Variants in MTUS2 observed in about 807,000 individuals in gnomAD.
MTUS2 encodes the protein microtubule associated scaffold protein 2.
Under a neutral mutation model 114.1 loss-of-function variants are expected in MTUS2, and 40 were observed. That is an observed-to-expected ratio of 0.35 (90% CI 0.27 to 0.46). The LOEUF (loss-of-function observed/expected upper bound fraction) is 0.46, where lower values mean the gene tolerates loss of function less well. MTUS2 is among the 20% of genes least tolerant of loss of function. The pLI is 1.00. For missense variants in MTUS2, 1,679 were observed against 1,705.4 expected (o/e 0.98, Z 0.27); for synonymous variants, 688 against 672.0 (o/e 1.02, Z -0.37).
At chr13:29,216,752 T>C (rs1895698698) in intron 5 of MTUS2, among the ~76,000 whole-genome samples, 1 of 152,220 alleles carries the variant, frequency 6.6e-6, no homozygotes, top group South Asian at 2.1e-4. Context: ...CAGAAATCAC[T>C]GGCCTTCTAA....
At chr13:29,436,617 C>A (rs1234103969) in intron 8 of MTUS2, among the ~76,000 whole-genome samples, 1 of 152,152 alleles carries the variant, frequency 6.6e-6, no homozygotes, top group East Asian at 1.9e-4. Flanking sequence ...CATCTAATGA[C>A]TATAGTTTGG....
intron 9 of MTUS2, among the ~76,000 whole-genome samples, chr13:29,472,633 T>C (rs907763790): frequency 6.6e-6 from 1 of 152,216 alleles, no homozygotes; most frequent in African/African-American, 2.4e-5. Context: ...ATGCTCATAA[T>C]ATCTAATCCC....
chr13:29,492,017 G>A (rs1353110117), intron 11 of MTUS2, among the ~76,000 whole-genome samples: 1 of 47,694 alleles, frequency 2.1e-5, no homozygotes, highest in Non-Finnish European at 4.4e-5. Context: ...GAATGTGTGT[G>A]GTAGGTGTGT....
chr13:29,204,546 G>T (rs377340388), intron 5 of MTUS2, among the ~76,000 whole-genome samples: 1 of 152,164 alleles, frequency 6.6e-6, no homozygotes, highest in Non-Finnish European at 1.5e-5. Flanking sequence ...GAAGGGGCTG[G>T]GTGGAGACCC....
chr13:29,315,529 G>A (rs1429271757), intron 6 of MTUS2, among the ~76,000 whole-genome samples: 1 of 152,164 alleles, frequency 6.6e-6, no homozygotes, highest in Non-Finnish European at 1.5e-5. Context: ...AGAATTAATT[G>A]CTGGACTGTG....
intron 2 of MTUS2, among the ~76,000 whole-genome samples, chr13:28,873,234 T>TAC (rs2138108167): frequency 6.6e-6 from 1 of 152,326 alleles, no homozygotes; most frequent in Admixed American, 6.5e-5. Context: ...TCCTTGAACA[T>TAC]ACCATGGGGG....
chr13:28,875,403 G>C (rs957672265), intron 2 of MTUS2, among the ~76,000 whole-genome samples: 6 of 152,248 alleles, frequency 3.9e-5, no homozygotes, highest in African/African-American at 1.4e-4. Flanking sequence ...GATTAGAGAA[G>C]CTCCAAACTT....
rs1001937702 is a variant in MTUS2 at position 29,285,681 on chromosome 13, G to A, written c.2806+3816G>A. On this transcript the variant is annotated intron_variant, in intron 6 of 15. Transcript: ENST00000612955. Reference sequence around the variant, plus strand: ...ATGGGACACACCCTCTGATGTACTCGGCAAGAGCAACAACAACACAAAGTG... The same window carrying A: ...ATGGGACACACCCTCTGATGTACTCAGCAAGAGCAACAACAACACAAAGTG... 7.2e-5 allele frequency among the ~76,000 whole-genome samples: 11 copies of A among 152,164 alleles called. No homozygotes were observed. In the East Asian group the frequency reaches 2.1e-3, roughly 29 times the overall value.
intron 8 of MTUS2, among the ~76,000 whole-genome samples, chr13:29,411,628 A>C (rs1875246061): frequency 6.6e-6 from 1 of 152,240 alleles, no homozygotes; most frequent in Admixed American, 6.5e-5. Context: ...TGGTGTTTTC[A>C]CAGAGATTAC....
chr13:29,401,892 G>A (rs1874378617), intron 8 of MTUS2, among the ~76,000 whole-genome samples: 1 of 152,110 alleles, frequency 6.6e-6, no homozygotes, highest in Non-Finnish European at 1.5e-5. Context: ...AGCTCATTGG[G>A]ATTTAAATTT....
chr13:28,906,271 T>C (rs1247438094), intron 2 of MTUS2, among the ~76,000 whole-genome samples: 2 of 151,230 alleles, frequency 1.3e-5, no homozygotes, highest in African/African-American at 2.4e-5. Flanking sequence ...CTGCTCTGAT[T>C]TTAGTTATTT....
chr13:29,378,485 C>A (rs970939357), intron 8 of MTUS2, among the ~76,000 whole-genome samples: 1 of 152,058 alleles, frequency 6.6e-6, no homozygotes, highest in Non-Finnish European at 1.5e-5. Context: ...TTTCAGAGCA[C>A]TCCCTGCCGT....
At chr13:29,002,591 A>G (rs1885432402) in intron 2 of MTUS2, among the ~76,000 whole-genome samples, 1 of 152,190 alleles carries the variant, frequency 6.6e-6, no homozygotes, top group Non-Finnish European at 1.5e-5. Flanking sequence ...GTAAAAAGTG[A>G]GATGCAAGGG....
intron 8 of MTUS2, 83 bp downstream of exon 8, chr13:29,359,556 C>G: frequency 6.9e-7 from 1 of 1,457,886 alleles, no homozygotes; most frequent in South Asian, 1.3e-5. Flanking sequence ...GTGTATGTTG[C>G]TGTTTTGGGT....
chr13:29,181,244 G>T (rs1157410537), intron 5 of MTUS2, among the ~76,000 whole-genome samples: 7 of 151,920 alleles, frequency 4.6e-5, no homozygotes, highest in Non-Finnish European at 8.8e-5. Context: ...GCCACTGGTA[G>T]CAGCAGGCAT....
chr13:29,432,330 C>T (rs1877063127), intron 8 of MTUS2, among the ~76,000 whole-genome samples: 2 of 152,108 alleles, frequency 1.3e-5, no homozygotes, highest in South Asian at 4.1e-4. Context: ...AGGATGAAGC[C>T]AGGAGCTCTA....
chr13:28,987,684 T>C (rs1884651317), intron 2 of MTUS2, among the ~76,000 whole-genome samples: 1 of 152,182 alleles, frequency 6.6e-6, no homozygotes, highest in Non-Finnish European at 1.5e-5. Flanking sequence ...CCATATTAGC[T>C]TTCTGTTGCC....
chr13:29,332,633 CT>C (rs58161086), intron 7 of MTUS2, among the ~76,000 whole-genome samples: 21,861 of 113,362 alleles, frequency 0.19, 1,627 homozygotes, highest in Middle Eastern at 0.24. Flanking sequence ...TTCTCTAATT[CT>C]TTTTTTTTTT....
chr13:28,927,803 A>T (rs1881402058), intron 2 of MTUS2, among the ~76,000 whole-genome samples: 1 of 152,240 alleles, frequency 6.6e-6, no homozygotes, highest in African/African-American at 2.4e-5. Context: ...GACTCTCAAT[A>T]GCCAAAGCAA....
Sources: gnomAD v4.1 joint callset for allele counts (sites outside exome capture counted in the v4.1 genomes callset) on GRCh38, gnomAD v4.1.1 for gene constraint, MANE v1.5 for transcripts, NCBI Gene and HGNC (gene_info 2026-07-23, HGNC 2026-07-21) for gene names.